Variants in AKAP13 observed in about 807,000 individuals in gnomAD.
AKAP13 encodes A-kinase anchoring protein 13.
Under a neutral mutation model 264.5 loss-of-function variants are expected in AKAP13, and 80 were observed. That is an observed-to-expected ratio of 0.30 (90% CI 0.25 to 0.36). The LOEUF is 0.36. Among genes scored for constraint, AKAP13 ranks in the 10% least tolerant of loss-of-function variants. The probability of loss-of-function intolerance (pLI) is 1.00; values close to 1 mark genes in which losing one functional copy is unlikely to be tolerated. For missense variants in AKAP13, 3,712 were observed against 3,435.2 expected (o/e 1.08, Z -2.01); for synonymous variants, 1,380 against 1,250.2 (o/e 1.10, Z -2.19).
At chr15:85,474,666 A>C (rs935859418) in intron 1 of AKAP13, among the ~76,000 whole-genome samples, 3 of 152,218 alleles carry the variant, frequency 2.0e-5, no homozygotes, top group Admixed American at 2.0e-4. Context: ...GACATATACA[A>C]GTTTTTAATT....
intron 1 of AKAP13, among the ~76,000 whole-genome samples, chr15:85,410,182 G>A (rs919262435): frequency 6.6e-6 from 1 of 150,960 alleles, no homozygotes; most frequent in African/African-American, 2.5e-5. Flanking sequence ...CTCAGGTGTG[G>A]TTATTAGAAT....
intron 4 of AKAP13, chr15:85,536,068 C>G (rs996920522): frequency 6.6e-6 from 1 of 152,222 alleles, no homozygotes; most frequent in Non-Finnish European, 1.5e-5. Context: ...TCCCAAAGTG[C>G]TAGGATTACA....
intron 8 of AKAP13, among the ~76,000 whole-genome samples, chr15:85,590,897 T>G (rs117322023): frequency 1.3e-5 from 2 of 152,316 alleles, no homozygotes; most frequent in African/African-American, 2.4e-5. Flanking sequence ...CAGCTTAGTA[T>G]TATTATTAGT....
At chr15:85,523,783 C>G (rs1038559342) in intron 3 of AKAP13, among the ~76,000 whole-genome samples, 1 of 152,136 alleles carries the variant, frequency 6.6e-6, no homozygotes, top group Non-Finnish European at 1.5e-5. Flanking sequence ...CACCCACACT[C>G]GCACTCACAC....
At chr15:85,460,488 T>A (rs2074469543) in intron 1 of AKAP13, among the ~76,000 whole-genome samples, 1 of 152,250 alleles carries the variant, frequency 6.6e-6, no homozygotes, top group Admixed American at 6.5e-5. Context: ...TTGAGCCATT[T>A]ATGATACTTT....
In AKAP13 at chr15:85,605,078, T is replaced by TTACCTAGA. The variant is rs527309239; in HGVS notation, c.4161+19261_4161+19262insGATACCTA. On this transcript the variant is annotated intron_variant, in intron 8 of 36. Coordinates refer to ENST00000394518, the MANE Select transcript of AKAP13 (RefSeq NM_007200.5). ...AATTTATGCTCTTAATCCCCATGGA[T>TTACCTAGA]TACCTAATTTCCTAGATAAACTATT... Among the ~76,000 whole-genome samples the TTACCTAGA allele has an allele frequency of 9.9e-3, 1,510 of 152,102 alleles. 24 individuals carry two copies. Among genetic ancestry groups the TTACCTAGA allele is most frequent in the African/African-American group, 0.034 (1,421 of 41,456 alleles).
intron 3 of AKAP13, 136 bp from the exon 4 acceptor site, chr15:85,533,448 G>A: frequency 4.0e-6 from 3 of 741,916 alleles, no homozygotes; most frequent in Non-Finnish European, 6.0e-6. Flanking sequence ...TGCTGTCAGA[G>A]CTCAAGAGGA....
intron 5 of AKAP13, among the ~76,000 whole-genome samples, chr15:85,546,070 T>A (rs2077726225): frequency 6.6e-6 from 1 of 152,194 alleles, no homozygotes; most frequent in South Asian, 2.1e-4. Context: ...AGTGAAATCA[T>A]GCAACATTTG....
At position 85,745,729 on chromosome 15, in the gene AKAP13, A is replaced by C. The variant is rs1361508159; in HGVS notation, c.*1052A>C. ...AGAAGCTGTGCTCTGAAGCTAGGAC[A>C]GCTGGCTGAGAAGTGGGTTCAGGCG... On this transcript the variant is annotated 3_prime_UTR_variant, in exon 37 of 37. Transcript: ENST00000394518. The C allele has an allele frequency of 6.6e-6, 1 of 152,368 alleles. No homozygotes were observed. The highest frequency in any genetic ancestry group is 1.5e-5 in the Non-Finnish European group (1 of 68,148). 9.4% of individuals were successfully genotyped at this position (152,368 alleles called of 1,614,324 possible).
In AKAP13 at chr15:85,684,990, C is replaced by T. The variant is rs570586703; in HGVS notation, c.5289+117C>T. 4.7e-6 allele frequency: 6 copies of T among 1,279,450 alleles called. No homozygotes were observed. In the Admixed American group the frequency reaches 1.3e-4, roughly 27 times the overall value. The allele number at this position is 1,279,450 out of a possible 1,614,324, so 79.3% of individuals were successfully genotyped here. On this transcript the variant is annotated intron_variant, in intron 16 of 36. Transcript: ENST00000394518. Reference sequence around the variant, plus strand: ...ATAAATGGAAATAAATTCAGGATTACTCTCCGAAATCGCCTAATATTTAAA... The same window carrying T: ...ATAAATGGAAATAAATTCAGGATTATTCTCCGAAATCGCCTAATATTTAAA...
intron 1 of AKAP13, among the ~76,000 whole-genome samples, chr15:85,449,421 C>G (rs2074007885): frequency 6.6e-6 from 1 of 152,162 alleles, no homozygotes; most frequent in Non-Finnish European, 1.5e-5. Flanking sequence ...CCCTTTACTT[C>G]TTTCTCTTGC....
In AKAP13 at chr15:85,701,150, C is replaced by T. The variant is rs1332849243; in HGVS notation, c.5465-6869C>T. On this transcript the variant is annotated intron_variant, in intron 17 of 36. Transcript: ENST00000394518. Reference sequence around the variant, plus strand: ...TGAAATAGTGGATTGGCTACTGGTTCTGTGCTAATAGTGTTTATAAGTGGA... The same window carrying T: ...TGAAATAGTGGATTGGCTACTGGTTTTGTGCTAATAGTGTTTATAAGTGGA... The T allele has an allele frequency of 3.3e-5, 5 of 152,224 alleles. No homozygotes were observed. The East Asian group carries it at 9.6e-4, about 29-fold the overall frequency. 9.4% of individuals were successfully genotyped at this position (152,224 alleles called of 1,614,324 possible).
chr15:85,696,457 C>T (rs557878529), intron 17 of AKAP13, among the ~76,000 whole-genome samples: 1 of 152,290 alleles, frequency 6.6e-6, no homozygotes, highest in South Asian at 2.1e-4. Context: ...GACATTAACT[C>T]AATTTTTCTT....
intron 10 of AKAP13, 143 bp from the exon 11 acceptor site, chr15:85,655,274 T>G: frequency 1.1e-6 from 1 of 931,740 alleles, no homozygotes; most frequent in Non-Finnish European, 1.6e-6. Flanking sequence ...GTGATCATCC[T>G]ATTAAAAAAA....
At chr15:85,440,883 TCTG>T (rs2073616791) in intron 1 of AKAP13, among the ~76,000 whole-genome samples, 1 of 152,190 alleles carries the variant, frequency 6.6e-6, no homozygotes, top group African/African-American at 2.4e-5. Flanking sequence ...TTAAAAAAAT[TCTG>T]CAGTGGCTTA....
chr15:85,716,879 T>A (rs960680217), intron 20 of AKAP13, among the ~76,000 whole-genome samples: 1 of 152,158 alleles, frequency 6.6e-6, no homozygotes, highest in Non-Finnish European at 1.5e-5. Context: ...AGCTGGTGAG[T>A]TGGGATTGAG....
At chr15:85,634,903 G>A (rs960251666) in intron 8 of AKAP13, among the ~76,000 whole-genome samples, 10 of 150,676 alleles carry the variant, frequency 6.6e-5, no homozygotes, top group Non-Finnish European at 1.2e-4. Context: ...TGTATCAGCA[G>A]TTCATTTCTT....
intron 1 of AKAP13, among the ~76,000 whole-genome samples, chr15:85,416,066 A>G (rs2072231620): frequency 6.6e-6 from 1 of 152,184 alleles, no homozygotes; most frequent in Non-Finnish European, 1.5e-5. Flanking sequence ...AGAAGGATGG[A>G]GCAACTATAT....
chr15:85,629,109 ATTGC>A (rs1313429723), intron 8 of AKAP13, among the ~76,000 whole-genome samples: 2 of 152,094 alleles, frequency 1.3e-5, no homozygotes, highest in Non-Finnish European at 2.9e-5. Flanking sequence ...AGACAGGAAG[ATTGC>A]TTGAGCCCAG....
Sources: allele counts gnomAD v4.1 joint callset (sites outside exome capture counted in the v4.1 genomes callset), GRCh38; gene constraint gnomAD v4.1.1; transcripts MANE v1.5; gene names NCBI Gene and HGNC (gene_info 2026-07-23, HGNC 2026-07-21).